Variants in MACF1 observed in about 807,000 individuals in gnomAD.
MACF1 encodes microtubule actin crosslinking factor 1.
MACF1 carries 193 observed loss-of-function variants against 854.8 expected under a neutral mutation model. That is an observed-to-expected ratio of 0.23 (90% confidence interval 0.20 to 0.25). The LOEUF (loss-of-function observed/expected upper bound fraction) is 0.25, where lower values mean the gene tolerates loss of function less well. Ranked by LOEUF, MACF1 falls within the 10% of genes least tolerant of loss-of-function variation. The probability of loss-of-function intolerance (pLI) is 1.00; values close to 1 mark genes in which losing one functional copy is unlikely to be tolerated. For synonymous variants in MACF1, 3,185 were observed against 3,226.7 expected (o/e 0.99, Z 0.44); for missense variants, 7,722 against 8,929.1 (o/e 0.86, Z 5.45).
At chr1:39,154,628 C>T (rs1428925549) in intron 2 of MACF1, among the ~76,000 whole-genome samples, 3 of 152,088 alleles carry the variant, frequency 2.0e-5, no homozygotes, top group Admixed American at 6.5e-5. Flanking sequence ...TCTTTCTCCT[C>T]GATAGTAACT....
intron 58 of MACF1, among the ~76,000 whole-genome samples, chr1:39,393,548 C>A (rs1642140211): frequency 6.6e-6 from 1 of 152,022 alleles, no homozygotes; most frequent in African/African-American, 2.4e-5. Flanking sequence ...GTGGCTCACA[C>A]CTATAATCAT....
chr1:39,269,798 T>G (rs1419053002), intron 6 of MACF1: 6 of 1,148,976 alleles, frequency 5.2e-6, no homozygotes, highest in Non-Finnish European at 6.8e-6. Context: ...CTGAGTGTGG[T>G]GAGCAGTGAG....
chr1:39,393,713 G>C (rs775153830), intron 58 of MACF1, among the ~76,000 whole-genome samples: 3 of 152,020 alleles, frequency 2.0e-5, no homozygotes, highest in Admixed American at 2.0e-4. Flanking sequence ...GGAGGCTGAC[G>C]CAGGAGGATC....
chr1:39,416,403 G>T (rs1471739250), intron 58 of MACF1, among the ~76,000 whole-genome samples: 1 of 151,872 alleles, frequency 6.6e-6, no homozygotes, highest in African/African-American at 2.4e-5. Flanking sequence ...CCCAACATTT[G>T]GGAAGCCAAG....
At position 39,485,808 on chromosome 1, in the gene MACF1, C is replaced by T. The variant is rs1455155962; in HGVS notation, c.*14C>T. 2.6e-6 allele frequency: 4 copies of T among 1,561,578 alleles called. No individual in the cohort carries two copies. Among genetic ancestry groups the T allele is most frequent in the Non-Finnish European group, 3.5e-6 (4 of 1,150,658 alleles). On this transcript the variant is annotated 3_prime_UTR_variant, in exon 101 of 101. Coordinates refer to ENST00000564288, the MANE Select transcript of MACF1 (RefSeq NM_001394062.1). ...CCCAAGCGATAACACTGTCTAAGCA[C>T]CCCCAAGCCACTATCCACTTTGAAT...
At chr1:39,432,861 G>A (rs1557651978) in intron 67 of MACF1, among the ~76,000 whole-genome samples, 187 bp from the exon 68 acceptor site, 1 of 152,072 alleles carries the variant, frequency 6.6e-6, no homozygotes, top group Non-Finnish European at 1.5e-5. Flanking sequence ...TCCATAATTA[G>A]CAATTTCCTT....
chr1:39,438,692 C>G (rs1249542208), intron 71 of MACF1, among the ~76,000 whole-genome samples: 1 of 152,078 alleles, frequency 6.6e-6, no homozygotes, highest in Non-Finnish European at 1.5e-5. Flanking sequence ...GCAGGAGAAT[C>G]GCTTGAACCT....
Position 39,347,094 on chromosome 1 carries a change from C to T in MACF1, c.10699C>T (p.Leu3567=), listed in dbSNP as rs747824803. ...DLSPQQNRQM[L]RLLNELQRSF... is the part of the protein sequence containing the mutation. ...GTCCCCTCAGCAGAATCGACAGATGCTGAGGCTTCTGAATGAACTGCAGAG... is the reference window on the plus strand; with the variant it reads ...GTCCCCTCAGCAGAATCGACAGATGTTGAGGCTTCTGAATGAACTGCAGAG... The change falls in exon 41 of 101, where the codon CTG becomes TTG. Residue 3567 remains leucine (L), a synonymous_variant. Transcript: ENST00000564288. 1.2e-6 allele frequency: 2 copies of T among 1,614,012 alleles called. No individual in the cohort carries two copies. The highest frequency in any genetic ancestry group is 8.5e-7 in the Non-Finnish European group (1 of 1,179,854).
At chr1:39,375,425 C>T (rs1278002887) in intron 52 of MACF1, among the ~76,000 whole-genome samples, 2 of 152,002 alleles carry the variant, frequency 1.3e-5, no homozygotes, top group East Asian at 3.9e-4. Flanking sequence ...CCTCAGCCTC[C>T]CAAGTAGCTG....
upstream of MACF1, among the ~76,000 whole-genome samples, chr1:39,203,759 G>A (rs960596668): frequency 3.9e-5 from 6 of 152,078 alleles, no homozygotes; most frequent in South Asian, 2.1e-4. Flanking sequence ...CATCTGTGTC[G>A]TCGTATGTAT....
Position 39,353,110 on chromosome 1 carries a change from T to G in MACF1, c.11303T>G (p.Leu3768Arg). 1 of 1,614,116 alleles carries G rather than the reference T, an allele frequency of 6.2e-7. No individual in the cohort carries two copies. Among genetic ancestry groups the G allele is most frequent in the Non-Finnish European group, 8.5e-7 (1 of 1,179,990 alleles). The part of the protein sequence containing the change: ...GSSGGQLLTN[L>R]PGMEQLSGAS... ...TCTGGTGGACAGCTGCTGACCAACC[T>G]TCCAGGAATGGAGCAGCTCTCGGGA... The change falls in exon 44 of 101, where the codon CTT (leucine) becomes CGT (arginine). Residue 3768 changes from leucine (L) to arginine (R), a missense_variant. By Grantham distance (102) the Leu-to-Arg change is moderately radical. This residue lies in a region of MACF1 where 2,807 missense variants were observed against 3,235.8 expected (regional missense o/e 0.87). Coordinates refer to ENST00000564288, the MANE Select transcript of MACF1 (RefSeq NM_001394062.1).
chr1:39,281,273 A>AT (rs1645538828), intron 6 of MACF1, among the ~76,000 whole-genome samples: 1 of 152,168 alleles, frequency 6.6e-6, no homozygotes, highest in African/African-American at 2.4e-5. Context: ...TATGATTATT[A>AT]GTTTGCTGTA....
intron 58 of MACF1, among the ~76,000 whole-genome samples, chr1:39,390,768 G>T (rs1642000372): frequency 6.6e-6 from 1 of 152,150 alleles, no homozygotes; most frequent in African/African-American, 2.4e-5. Context: ...CCAACTCAAT[G>T]AAATTTTTAG....
At chr1:39,314,546 C>G (rs1557582317) in intron 26 of MACF1, among the ~76,000 whole-genome samples, 1 of 124,082 alleles carries the variant, frequency 8.1e-6, no homozygotes, top group African/African-American at 3.0e-5. Context: ...CTCAATTTCT[C>G]TTTCTCTCTC....
At chr1:39,478,089 G>A (rs548521751) in intron 97 of MACF1, among the ~76,000 whole-genome samples, 8 of 139,274 alleles carry the variant, frequency 5.7e-5, no homozygotes, top group African/African-American at 1.6e-4. Context: ...TGCAGCCTCC[G>A]CCTCCTGGGT....
At position 39,437,780 on chromosome 1, in the gene MACF1, C is replaced by T. The variant is rs1427027323; in HGVS notation, c.17992C>T (p.His5998Tyr). 6.2e-7 allele frequency: 1 copy of T among 1,608,594 alleles called. No individual in the cohort carries two copies. Among genetic ancestry groups the T allele is most frequent in the Admixed American group, 1.7e-5 (1 of 59,992 alleles). ...DEAVSQSTQFHDKIEPMLETL... is the reference protein window; with the variant it reads ...DEAVSQSTQFYDKIEPMLETL... ...TAATGTTCCAACATTTGTTTAGTTTCATGATAAAATTGAGCCTATGTTGGA... is the reference window on the plus strand; with the variant it reads ...TAATGTTCCAACATTTGTTTAGTTTTATGATAAAATTGAGCCTATGTTGGA... The change falls in exon 71 of 101, where the codon CAT (histidine) becomes TAT (tyrosine). Residue 5998 changes from histidine to tyrosine, a missense_variant. Physicochemically the swap from His to Tyr is moderately conservative, Grantham distance 83. Coordinates refer to ENST00000564288, the MANE Select transcript of MACF1 (RefSeq NM_001394062.1).
At chr1:39,184,899 C>T (rs1644147100) in intron 2 of MACF1, among the ~76,000 whole-genome samples, 1 of 152,164 alleles carries the variant, frequency 6.6e-6, no homozygotes, top group South Asian at 2.1e-4. Flanking sequence ...TGCCTTTGTG[C>T]TTATAACTCG....
intron 94 of MACF1, 122 bp from the exon 95 acceptor site, chr1:39,464,971 AGT>A: frequency 1.2e-6 from 1 of 862,936 alleles, no homozygotes. Context: ...GAATATGTTC[AGT>A]GTGTGTCACT....
At position 39,295,831 on chromosome 1, in the gene MACF1, G is replaced by A. The variant is rs773647146; in HGVS notation, c.2304G>A (p.Gln768=). The change falls in exon 20 of 101, where the codon CAG becomes CAA. Residue 768 remains glutamine (Q), a synonymous_variant. Transcript: ENST00000564288. ...AGTCCCAGTTGCAGTGGATGAAGCA[G>A]CTGTGCCTGTGTGTTGAGCAGCATG... ...AVQSQLQWMK[Q]LCLCVEQHVK... The A allele has an allele frequency of 3.1e-6, 5 of 1,614,150 alleles. No homozygotes were observed. Among genetic ancestry groups the A allele is most frequent in the Non-Finnish European group, 4.2e-6 (5 of 1,180,004 alleles).
Sources: gnomAD v4.1 joint callset for allele counts (sites outside exome capture counted in the v4.1 genomes callset) on GRCh38, gnomAD v4.1.1 for gene constraint, gnomAD v4.1.1 regional missense constraint, MANE v1.5 for transcripts, NCBI Gene and HGNC (gene_info 2026-07-23, HGNC 2026-07-21) for gene names.